The following CDADC1 variants were observed in gnomAD, a reference collection of about 807,000 sequenced individuals.
CDADC1 encodes dCTP deaminase.
CDADC1 carries 39 observed loss-of-function variants against 54.9 expected under a neutral mutation model. The observed-to-expected ratio is 0.71, with a 90% CI of 0.55 to 0.93. The LOEUF (loss-of-function observed/expected upper bound fraction) is 0.93, where lower values mean the gene tolerates loss of function less well. Ranked by LOEUF, CDADC1 falls within the 40% of genes least tolerant of loss-of-function variation. The pLI, the probability that CDADC1 is intolerant of heterozygous loss-of-function variation, is 0.00. For synonymous variants in CDADC1, 186 were observed against 204.0 expected, an observed-to-expected ratio of 0.91 and a Z score of 0.75; for missense variants, 518 against 618.8, an observed-to-expected ratio of 0.84 and a Z score of 1.73.
chr13:49,268,004 A>G lies in CDADC1; in HGVS notation c.945A>G (p.Pro315=), dbSNP rs1432610400. ...QINEIHNQSL[P]QEIARHCMVQ... ...ATGAAATTCACAATCAAAGTTTGCC[A>G]CAGGAAATTGCAAGGCACTGCATGG... The change falls in exon 5 of 10, where the codon CCA becomes CCG. Residue 315 remains proline, a synonymous_variant. Transcript: ENST00000251108. The G allele has an allele frequency of 6.2e-7, 1 of 1,613,960 alleles. No homozygotes were observed. The highest frequency in any genetic ancestry group is 1.1e-5 in the South Asian group (1 of 91,088).
At chr13:49,266,615 T>A (rs1184259901) in intron 4 of CDADC1, among the ~76,000 whole-genome samples, 2 of 152,228 alleles carry the variant, frequency 1.3e-5, no homozygotes, top group Non-Finnish European at 1.5e-5. Context: ...TGTGGACATA[T>A]TTGATAACTG....
intron 9 of CDADC1, among the ~76,000 whole-genome samples, chr13:49,288,475 C>A (rs532163303): frequency 5.9e-5 from 9 of 152,236 alleles, no homozygotes; most frequent in African/African-American, 2.2e-4. Context: ...TTCTTCACTC[C>A]CCCTAGCCCT....
At chr13:49,285,605 C>T (rs1242184976) in intron 8 of CDADC1, among the ~76,000 whole-genome samples, 1 of 152,108 alleles carries the variant, frequency 6.6e-6, no homozygotes, top group East Asian at 1.9e-4. Flanking sequence ...AATTCTATTG[C>T]CTCCTGTAGT....
chr13:49,267,143 T>C (rs985458149), intron 4 of CDADC1, among the ~76,000 whole-genome samples: 2 of 152,204 alleles, frequency 1.3e-5, no homozygotes, highest in African/African-American at 4.8e-5. Context: ...CCAAAGACTA[T>C]ATAAGTGAAT....
At chr13:49,278,155 CCTT>C (rs1355441581) in intron 6 of CDADC1, among the ~76,000 whole-genome samples, 192 bp from the exon 7 acceptor site, 4 of 152,036 alleles carry the variant, frequency 2.6e-5, no homozygotes, top group Non-Finnish European at 5.9e-5. Context: ...AGGTGGTTGG[CCTT>C]CTTGGAATTT....
chr13:49,276,764 C>T (rs1187849716), intron 6 of CDADC1, among the ~76,000 whole-genome samples: 1 of 152,196 alleles, frequency 6.6e-6, no homozygotes, highest in African/African-American at 2.4e-5. Flanking sequence ...GTTATCTGTT[C>T]AATTTCTTAC....
At chr13:49,285,479 TTGG>T (rs1284019511) in intron 8 of CDADC1, among the ~76,000 whole-genome samples, 9 of 152,158 alleles carry the variant, frequency 5.9e-5, no homozygotes, top group Admixed American at 1.3e-4. Context: ...ATGGCCTATC[TTGG>T]TCATATTTTC....
chr13:49,268,028 G>A lies in CDADC1; in HGVS notation c.969G>A (p.Met323Ile). The A allele has an allele frequency of 6.2e-7, 1 of 1,612,914 alleles. No individual in the cohort carries two copies. Among genetic ancestry groups the A allele is most frequent in the Non-Finnish European group, 8.5e-7 (1 of 1,179,778 alleles). ...CACAGGAAATTGCAAGGCACTGCAT[G>A]GTTCAGGCCAGGTTATTGGCATATC... ...SLPQEIARHC[M>I]VQARLLAYRT... The change falls in exon 5 of 10, where the codon ATG (methionine) becomes ATA (isoleucine). Residue 323 changes from methionine (M) to isoleucine (I), a missense_variant. Physicochemically the swap from Met to Ile is conservative, Grantham distance 10. Coordinates refer to ENST00000251108, the MANE Select transcript of CDADC1 (RefSeq NM_030911.4).
chr13:49,279,812 C>T (rs1175608228), intron 7 of CDADC1, among the ~76,000 whole-genome samples: 4 of 152,150 alleles, frequency 2.6e-5, no homozygotes. Flanking sequence ...CTTGCAGCCC[C>T]AGTTGTTAGT....
At chr13:49,279,295 A>G (rs1566373109) in intron 7 of CDADC1, among the ~76,000 whole-genome samples, 1 of 152,172 alleles carries the variant, frequency 6.6e-6, no homozygotes. Context: ...TGCTGCGGAC[A>G]TTCTGGAGCT....
intron 5 of CDADC1, among the ~76,000 whole-genome samples, chr13:49,271,971 C>T (rs1447500098): frequency 2.0e-5 from 3 of 152,288 alleles, no homozygotes; most frequent in Non-Finnish European, 2.9e-5. Flanking sequence ...AAATTTATTC[C>T]TATTTTAAAA....
chr13:49,270,198 G>T (rs1468403483), intron 5 of CDADC1, among the ~76,000 whole-genome samples: 2 of 152,136 alleles, frequency 1.3e-5, no homozygotes, highest in Middle Eastern at 3.2e-3. Context: ...GGAGCCAAAT[G>T]TAAAGGAATT....
At chr13:49,263,779 T>C (rs1435330037) in intron 4 of CDADC1, among the ~76,000 whole-genome samples, 1 of 152,216 alleles carries the variant, frequency 6.6e-6, no homozygotes, top group Non-Finnish European at 1.5e-5. Context: ...AGTTACTTTA[T>C]TAGAATTTTA....
chr13:49,292,822 T>G lies in CDADC1; in HGVS notation c.*1065T>G. The G allele has an allele frequency of 7.8e-7, 1 of 1,276,862 alleles. No homozygotes were observed. Among genetic ancestry groups the G allele is most frequent in the South Asian group, 1.3e-5 (1 of 79,298 alleles). 79.1% of individuals were successfully genotyped at this position (1,276,862 alleles called of 1,614,324 possible). ...GGGTGCTTCATGAGAAATGTCTTCC[T>G]GGATCTGCGGTGGTCAGGTTTGCCT... On this transcript the variant is annotated 3_prime_UTR_variant, in exon 10 of 10. Coordinates refer to ENST00000251108, the MANE Select transcript of CDADC1 (RefSeq NM_030911.4).
rs114172164 is a variant in CDADC1 at position 49,250,831 on chromosome 13, A to G, written c.177+1866A>G. Among the ~76,000 whole-genome samples, 1,383 of 152,264 alleles carry G rather than the reference A, an allele frequency of 9.1e-3. 12 individuals are homozygous for G. Among genetic ancestry groups the G allele is most frequent in the African/African-American group, 0.022 (897 of 41,540 alleles). Reference sequence around the variant, plus strand: ...ATGTGAAGTGTTTTATAGATAGTAAAACATTATTTAAAATATTATACATCG... The same window carrying G: ...ATGTGAAGTGTTTTATAGATAGTAAGACATTATTTAAAATATTATACATCG... On this transcript the variant is annotated intron_variant, in intron 2 of 9. Coordinates refer to ENST00000251108, the MANE Select transcript of CDADC1 (RefSeq NM_030911.4).
At position 49,292,425 on chromosome 13, in the gene CDADC1, T is replaced by G; in HGVS notation, c.*668T>G. The G allele has an allele frequency of 1.0e-6, 1 of 1,002,562 alleles. No homozygotes were observed. Among genetic ancestry groups the G allele is most frequent in the South Asian group, 4.3e-5 (1 of 23,510 alleles). The allele number at this position is 1,002,562 out of a possible 1,614,324, so 62.1% of individuals were successfully genotyped here. On this transcript the variant is annotated 3_prime_UTR_variant, in exon 10 of 10. Transcript: ENST00000251108. The stretch of plus-strand genomic sequence containing the variant: ...AGTGTCGCTGCTTGATATCACTGAC[T>G]CTTGAAATCACTAACAGTGAACCTC...
intron 3 of CDADC1, among the ~76,000 whole-genome samples, chr13:49,258,490 T>G (rs1672733609): frequency 6.6e-6 from 1 of 152,212 alleles, no homozygotes; most frequent in Non-Finnish European, 1.5e-5. Flanking sequence ...CTTTGATTAG[T>G]ATTTGTTTAA....
chr13:49,292,044 T>G lies in CDADC1; in HGVS notation c.*287T>G. On this transcript the variant is annotated 3_prime_UTR_variant, in exon 10 of 10. Transcript: ENST00000251108. ...CAACAGGGACTGATTTCTATTTATC[T>G]TGACTTTATATTAGCCAATTTGAAA... is the stretch of plus-strand genomic sequence containing the variant. 1 of 1,132,770 alleles carries G rather than the reference T, an allele frequency of 8.8e-7. No homozygotes were observed. Among genetic ancestry groups the G allele is most frequent in the East Asian group, 5.6e-5 (1 of 17,756 alleles). 70.2% of individuals were successfully genotyped at this position (1,132,770 alleles called of 1,614,324 possible).
intron 2 of CDADC1, among the ~76,000 whole-genome samples, chr13:49,254,267 G>C (rs935290646): frequency 6.6e-6 from 1 of 151,944 alleles, no homozygotes; most frequent in East Asian, 1.9e-4. Context: ...CCAGAACATG[G>C]GTTTTCTTAT....
Sources: allele counts gnomAD v4.1 joint callset (sites outside exome capture counted in the v4.1 genomes callset), GRCh38; gene constraint gnomAD v4.1.1; transcripts MANE v1.5; gene names NCBI Gene and HGNC (gene_info 2026-07-23, HGNC 2026-07-21).